The following CDC42EP1 variants were observed in gnomAD, a reference collection of about 807,000 sequenced individuals.
CDC42EP1 encodes the protein CDC42 effector protein 1.
Under a neutral mutation model 7.4 loss-of-function variants are expected in CDC42EP1, and 6 were observed. The ratio of observed to expected loss-of-function variants is 0.81; its 90% confidence interval spans 0.44 to 1.60. CDC42EP1 has a LOEUF of 1.60. CDC42EP1 is among the 40% of genes most tolerant of loss of function. The pLI is 0.01. For missense variants in CDC42EP1, 567 were observed against 539.0 expected, an observed-to-expected ratio of 1.05 and a Z score of -0.51; for synonymous variants, 238 against 227.1, an observed-to-expected ratio of 1.05 and a Z score of -0.43.
In CDC42EP1 at chr22:37,568,591, C is replaced by T. The variant is rs1925358458; in HGVS notation, c.947C>T (p.Ala316Val). 1 of 1,599,706 alleles carries T rather than the reference C, an allele frequency of 6.3e-7. No homozygotes were observed. The highest frequency in any genetic ancestry group is 1.7e-5 in the Admixed American group (1 of 57,452). ...GGTCCCCGAGGACCTGCTGGCCCTG[C>T]CCTCGGCAGGCACTGGGGAGCAGGC... The part of the protein sequence containing the change: ...GGGPRGPAGP[A>V]LGRHWGAGWD... Residue 316 changes from alanine (A) to valine (V), a missense_variant, in exon 3 of 3, where the codon GCC (alanine) becomes GTC (valine). By Grantham distance (64) the Ala-to-Val change is moderately conservative. Transcript: ENST00000249014.
At chr22:37,561,453 C>T (rs953482869) in intron 1 of CDC42EP1, among the ~76,000 whole-genome samples, 4 of 152,240 alleles carry the variant, frequency 2.6e-5, no homozygotes, top group African/African-American at 4.8e-5. Context: ...CTCCTTTCCA[C>T]TTTCCCCGTC....
chr22:37,562,605 C>G (rs1925083300), intron 1 of CDC42EP1, among the ~76,000 whole-genome samples: 1 of 152,242 alleles, frequency 6.6e-6, no homozygotes, highest in South Asian at 2.1e-4. Context: ...TCCCAATACC[C>G]TGCCCTCAGC....
At chr22:37,567,032 C>G (rs1040740479) in intron 2 of CDC42EP1, among the ~76,000 whole-genome samples, 9 of 152,188 alleles carry the variant, frequency 5.9e-5, no homozygotes, top group Non-Finnish European at 1.5e-5. Context: ...ATTCTAGCTG[C>G]CCCTCACTTG....
rs1329697306 is a variant in CDC42EP1 at position 37,566,247 on chromosome 22, T to C, written c.-103T>C. 3.0e-6 allele frequency: 2 copies of C among 676,004 alleles called. No individual in the cohort carries two copies. The highest frequency in any genetic ancestry group is 1.8e-5 in the African/African-American group (1 of 54,930). 41.9% of individuals were successfully genotyped at this position (676,004 alleles called of 1,614,324 possible). Reference sequence around the variant, plus strand: ...ACCTTAGGAGAGTGCCATTTACAGCTTCCGCCAGGGCAAAGGAGCTGAGCA... The same window carrying C: ...ACCTTAGGAGAGTGCCATTTACAGCCTCCGCCAGGGCAAAGGAGCTGAGCA... On this transcript the variant is annotated 5_prime_UTR_variant, in exon 2 of 3. Coordinates refer to ENST00000249014, the MANE Select transcript of CDC42EP1 (RefSeq NM_152243.3). This position sits in a 1 kb window ranked among gnomAD's most constrained non-coding sequence, Gnocchi z 6.4.
chr22:37,568,126 G>C lies in CDC42EP1; in HGVS notation c.482G>C (p.Cys161Ser), dbSNP rs758221624. Residue 161 changes from cysteine to serine, a missense_variant, in exon 3 of 3, where the codon TGC (cysteine) becomes TCC (serine). Transcript: ENST00000249014. Reference sequence around the variant, plus strand: ...CTTCTAGGCCTGGACTCTGGGTTCTGCACCATCTCCCGCCTGCCCCGCTCG... The same window carrying C: ...CTTCTAGGCCTGGACTCTGGGTTCTCCACCATCTCCCGCCTGCCCCGCTCG... ...HSSYGLDSGFCTISRLPRSEK... is the reference protein window; with the variant it reads ...HSSYGLDSGFSTISRLPRSEK... 2 of 1,613,262 alleles carry C rather than the reference G, an allele frequency of 1.2e-6. No homozygotes were observed. The highest frequency in any genetic ancestry group is 1.7e-5 in the Admixed American group (1 of 59,974).
At chr22:37,564,501 G>A (rs1925154138) in intron 1 of CDC42EP1, 1 of 152,266 alleles carries the variant, frequency 6.6e-6, no homozygotes, top group East Asian at 1.9e-4. Flanking sequence ...GGATGGTTCA[G>A]AGGAACCTCT....
intron 1 of CDC42EP1, chr22:37,563,624 A>C (rs931358274): frequency 5.3e-5 from 8 of 152,144 alleles, no homozygotes; most frequent in African/African-American, 1.9e-4. Context: ...TATTTAACCT[A>C]TTTTGAATTT....
chr22:37,567,464 T>A (rs558849724), intron 2 of CDC42EP1, among the ~76,000 whole-genome samples: 1 of 152,272 alleles, frequency 6.6e-6, no homozygotes, highest in South Asian at 2.1e-4. Flanking sequence ...AGAGCTCACC[T>A]GAGAACCATG....
In CDC42EP1 at chr22:37,566,874, C is replaced by T; in HGVS notation, c.463+62C>T. The T allele has an allele frequency of 7.8e-7, 1 of 1,280,978 alleles. No individual in the cohort carries two copies. Among genetic ancestry groups the T allele is most frequent in the Non-Finnish European group, 1.1e-6 (1 of 929,060 alleles). The allele number at this position is 1,280,978 out of a possible 1,614,324, so 79.4% of individuals were successfully genotyped here. ...GCTGAGGCTGAGGCCCAGAGGGGTT[C>T]AGTGGCTCCTCCAAGCTCCAAGTGA... On this transcript the variant is annotated intron_variant, in intron 2 of 2. Transcript: ENST00000249014. This position sits in a 1 kb window ranked among gnomAD's most constrained non-coding sequence, Gnocchi z 6.4.
At position 37,566,871 on chromosome 22, in the gene CDC42EP1, G is replaced by A. The variant is rs1601455266; in HGVS notation, c.463+59G>A. ...GAGGCTGAGGCTGAGGCCCAGAGGG[G>A]TTCAGTGGCTCCTCCAAGCTCCAAG... On this transcript the variant is annotated intron_variant, in intron 2 of 2. Transcript: ENST00000249014. This position sits in a 1 kb window ranked among gnomAD's most constrained non-coding sequence, Gnocchi z 6.4. 7.7e-7 allele frequency: 1 copy of A among 1,298,650 alleles called. No individual in the cohort carries two copies. The highest frequency in any genetic ancestry group is 1.1e-6 in the Non-Finnish European group (1 of 944,594). 80.4% of individuals were successfully genotyped at this position (1,298,650 alleles called of 1,614,324 possible).
At chr22:37,564,642 G>A (rs1262321983) in intron 1 of CDC42EP1, 1 of 152,534 alleles carries the variant, frequency 6.6e-6, no homozygotes, top group Non-Finnish European at 1.5e-5. Flanking sequence ...AGGAGGCAGT[G>A]TAGCCTGGGG....
Position 37,568,891 on chromosome 22 carries a change from C to T in CDC42EP1, c.*71C>T, listed in dbSNP as rs45487894. ...CCCCTCACCTAACAGCTGGTTCCTA[C>T]CAGACCGGAGAGGGGAGAAGTCATG... On this transcript the variant is annotated 3_prime_UTR_variant, in exon 3 of 3. Coordinates refer to ENST00000249014, the MANE Select transcript of CDC42EP1 (RefSeq NM_152243.3). The T allele has an allele frequency of 0.014, 15,173 of 1,115,250 alleles. 148 individuals are homozygous for T. Among genetic ancestry groups the T allele is most frequent in the Non-Finnish European group, 0.015 (12,294 of 825,452 alleles). The allele number at this position is 1,115,250 out of a possible 1,614,324, so 69.1% of individuals were successfully genotyped here.
rs1925317097 is a variant in CDC42EP1, at chr22:37,568,189, C to T, written c.545C>T (p.Pro182Leu). 12 of 1,614,052 alleles carry T rather than the reference C, an allele frequency of 7.4e-6. No individual in the cohort carries two copies. The highest frequency in any genetic ancestry group is 1.0e-5 in the Non-Finnish European group (12 of 1,180,006). Residue 182 changes from proline to leucine, a missense_variant, in exon 3 of 3, where the codon CCC (proline) becomes CTC (leucine). Pro to Leu is a moderately conservative substitution (Grantham distance 98, BLOSUM62 -3). Transcript: ENST00000249014. ...PHDRDRDGSF[P>L]SEPGLRRSDS... is the part of the protein sequence containing the mutation. The stretch of plus-strand genomic sequence containing the variant: ...GACCGAGACCGGGATGGTTCCTTCC[C>T]CTCTGAGCCCGGGCTTCGCCGCTCT...
Position 37,568,545 on chromosome 22 carries a change from A to G in CDC42EP1, c.901A>G (p.Lys301Glu). The change falls in exon 3 of 3, where the codon AAG (lysine) becomes GAG (glutamate). Residue 301 changes from lysine to glutamate, a missense_variant. Physicochemically the swap from Lys to Glu is moderately conservative, Grantham distance 56. Coordinates refer to ENST00000249014, the MANE Select transcript of CDC42EP1 (RefSeq NM_152243.3). The stretch of plus-strand genomic sequence containing the variant: ...TGGGTTGGGCCCAGTGGCTGAGGTG[A>G]AGTCCAGCCCAGTGGGAGGGGGTCC... ...TAGLGPVAEV[K>E]SSPVGGGPRG... 1 of 1,609,200 alleles carries G rather than the reference A, an allele frequency of 6.2e-7. No individual in the cohort carries two copies. The highest frequency in any genetic ancestry group is 8.5e-7 in the Non-Finnish European group (1 of 1,177,952).
chr22:37,563,458 CG>C, intron 1 of CDC42EP1, among the ~76,000 whole-genome samples: 1 of 152,018 alleles, frequency 6.6e-6, no homozygotes, highest in South Asian at 2.1e-4. Context: ...TTCTCGGTGC[CG>C]GGGGTGCCAG....
intron 2 of CDC42EP1, among the ~76,000 whole-genome samples, chr22:37,567,582 CCGATTCTGTCT>C (rs1211803228): frequency 2.6e-5 from 4 of 152,206 alleles, no homozygotes; most frequent in Non-Finnish European, 5.9e-5. Flanking sequence ...CCACAGAAAC[CCGATTCTGTCT>C]CAGGTCTGTA....
Position 37,566,654 on chromosome 22 carries a change from C to T in CDC42EP1, c.305C>T (p.Pro102Leu), listed in dbSNP as rs1036124428. 1.1e-5 allele frequency: 17 copies of T among 1,604,022 alleles called. No individual in the cohort carries two copies. The highest frequency in any genetic ancestry group is 2.7e-5 in the African/African-American group (2 of 74,768). The change falls in exon 2 of 3, where the codon CCC becomes CTC. Residue 102 changes from proline (P) to leucine (L), a missense_variant. Transcript: ENST00000249014. This position sits in a 1 kb window ranked among gnomAD's most constrained non-coding sequence, Gnocchi z 6.4. ...GCGCCCCCCCGGAGGATGGCATCTCCCCCTGCACCCTCCCCGGCTCCACCG... is the reference window on the plus strand; with the variant it reads ...GCGCCCCCCCGGAGGATGGCATCTCTCCCTGCACCCTCCCCGGCTCCACCG... ...VGAPPRRMAS[P>L]PAPSPAPPAI...
Position 37,569,076 on chromosome 22 carries a change from C to G in CDC42EP1, c.*256C>G, listed in dbSNP as rs551498455. The G allele has an allele frequency of 2.9e-6, 1 of 342,510 alleles. No individual in the cohort carries two copies. The highest frequency in any genetic ancestry group is 5.3e-6 in the Non-Finnish European group (1 of 190,204). The allele number at this position is 342,510 out of a possible 1,614,324, so 21.2% of individuals were successfully genotyped here. A position where few individuals can be genotyped will look rare whatever the true frequency, so the allele number is the denominator to read the frequency against. On this transcript the variant is annotated 3_prime_UTR_variant, in exon 3 of 3. Transcript: ENST00000249014. The stretch of plus-strand genomic sequence containing the variant: ...CCTAATAGCTGTTCCTTAGGCCCCA[C>G]TCCATGCCACCCCCACCAGCTGGAG...
At position 37,569,036 on chromosome 22, in the gene CDC42EP1, G is replaced by A. The variant is rs539553520; in HGVS notation, c.*216G>A. ...CCCTGCCAAACTGACCACCTCCCCC[G>A]ACTGCCACTCTGGACCTAATAGCTG... On this transcript the variant is annotated 3_prime_UTR_variant, in exon 3 of 3. Coordinates refer to ENST00000249014, the MANE Select transcript of CDC42EP1 (RefSeq NM_152243.3). 19 of 399,022 alleles carry A rather than the reference G, an allele frequency of 4.8e-5. No homozygotes were observed. Among genetic ancestry groups the A allele is most frequent in the African/African-American group, 2.9e-4 (14 of 48,624 alleles). 24.7% of individuals were successfully genotyped at this position (399,022 alleles called of 1,614,324 possible). A position where few individuals can be genotyped will look rare whatever the true frequency, so the allele number is the denominator to read the frequency against.
Sources: gnomAD v4.1 joint callset for allele counts (sites outside exome capture counted in the v4.1 genomes callset) on GRCh38, gnomAD v4.1.1 for gene constraint, Gnocchi (gnomAD v3.1) non-coding constraint, MANE v1.5 for transcripts, NCBI Gene and HGNC (gene_info 2026-07-23, HGNC 2026-07-21) for gene names.